ATP6V0B: variants seen among roughly 807,000 people sequenced by gnomAD.
ATP6V0B encodes the protein ATPase H+ transporting V0 subunit b, also known as V-type proton ATPase 21 kDa proteolipid subunit c''.
A neutral mutation model predicts 26.2 loss-of-function variants in ATP6V0B; 4 were observed. The ratio of observed to expected loss-of-function variants is 0.15; its 90% CI spans 0.08 to 0.35. ATP6V0B has a LOEUF of 0.35. Ranked by LOEUF, ATP6V0B falls within the 10% of genes least tolerant of loss-of-function variation. ATP6V0B has a pLI of 1.00. For synonymous variants in ATP6V0B, 110 were observed against 105.8 expected (o/e 1.04, Z -0.24); for missense variants, 175 against 272.5 (o/e 0.64, Z 2.52).
intron 1 of ATP6V0B, 43 bp downstream of exon 1, chr1:43,975,150 G>A (rs1422899646): frequency 1.4e-6 from 2 of 1,408,038 alleles, no homozygotes; most frequent in Non-Finnish European, 1.8e-6. Context: ...TCGCGGCCGA[G>A]CTGGCCGGGT....
At chr1:43,977,592 GTC>G (rs2085536397) in intron 7 of ATP6V0B, 30 of 1,420,728 alleles carry the variant, frequency 2.1e-5, no homozygotes, top group Non-Finnish European at 2.4e-5. Flanking sequence ...GTGTTTGACT[GTC>G]TCTCGGAGCT....
chr1:43,975,971 C>G (rs908591264), intron 2 of ATP6V0B, 119 bp from the exon 3 acceptor site: 1 of 1,508,104 alleles, frequency 6.6e-7, no homozygotes, highest in Non-Finnish European at 9.2e-7. Context: ...TTGGGAAATA[C>G]GCGGTCAGTT....
rs2085516311 is a variant in ATP6V0B at position 43,976,091 on chromosome 1, T to C, written c.118T>C (p.Phe40Leu). ...CTTTCTTCTCTGCTTCCACAACAGG[T>C]TCCTGACGGAGACTTCGCCCTTCAT... Reference protein sequence around the residue: ...DLGFRFDVAWFLTETSPFMWS... With the variant: ...DLGFRFDVAWLLTETSPFMWS... Residue 40 changes from phenylalanine to leucine, a missense_variant and splice_region_variant, in exon 3 of 8, where the codon TTC becomes CTC. Physicochemically the swap from Phe to Leu is conservative, Grantham distance 22. This residue lies in a region of ATP6V0B where 75 missense variants were observed against 94.7 expected (regional missense o/e 0.79). Coordinates refer to ENST00000472174, the MANE Select transcript of ATP6V0B (RefSeq NM_004047.5). This position sits in a 1 kb window ranked among gnomAD's most constrained non-coding sequence, Gnocchi z 4.6. The C allele has an allele frequency of 3.7e-6, 6 of 1,613,996 alleles. No individual in the cohort carries two copies. The highest frequency in any genetic ancestry group is 5.1e-6 in the Non-Finnish European group (6 of 1,179,884).
intron 2 of ATP6V0B, 75 bp downstream of exon 2, chr1:43,975,923 C>A: frequency 6.6e-7 from 1 of 1,526,028 alleles, no homozygotes. Flanking sequence ...TGGTCTGAGT[C>A]CCTCCCCCAC....
chr1:43,976,377 C>A lies in ATP6V0B; in HGVS notation c.276C>A (p.Val92=). 1 of 1,611,544 alleles carries A rather than the reference C, an allele frequency of 6.2e-7. No individual in the cohort carries two copies. Among genetic ancestry groups the A allele is most frequent in the South Asian group, 1.1e-5 (1 of 90,938 alleles). ...KAPRIKTKNL[V]SIIFCEAVAI... The stretch of plus-strand genomic sequence containing the variant: ...CCAGGATCAAGACCAAGAACCTGGT[C>A]AGGTAAGTGTCAGGGTCCTTGGACT... Residue 92 remains valine (V), a splice_region_variant and synonymous_variant, in exon 4 of 8, where the codon GTC becomes GTA. Coordinates refer to ENST00000472174, the MANE Select transcript of ATP6V0B (RefSeq NM_004047.5). The surrounding 1 kb of genome is among the most constrained non-coding windows in gnomAD (Gnocchi z 4.6).
Position 43,976,641 on chromosome 1 carries a change from C to T in ATP6V0B, c.330C>T (p.Val110=). 2 of 1,614,198 alleles carry T rather than the reference C, an allele frequency of 1.2e-6. No individual in the cohort carries two copies. Among genetic ancestry groups the T allele is most frequent in the Non-Finnish European group, 1.7e-6 (2 of 1,180,034 alleles). ...VAIYGIIMAI[V]ISNMAEPFSA... ...TCTACGGCATCATCATGGCAATTGT[C>T]ATTAGCAACATGGCTGAGGTATGGA... The change falls in exon 5 of 8, where the codon GTC becomes GTT. Residue 110 remains valine, a synonymous_variant. Coordinates refer to ENST00000472174, the MANE Select transcript of ATP6V0B (RefSeq NM_004047.5). This position sits in a 1 kb window ranked among gnomAD's most constrained non-coding sequence, Gnocchi z 4.6.
rs757711676 is a variant in ATP6V0B at position 43,976,320 on chromosome 1, C to A, written c.219C>A (p.Gly73=). ...CCACCAGGGGCATCTATATTACCGG[C>A]TCCTCCATCATTGGTGGAGGAGTGA... is the stretch of plus-strand genomic sequence containing the variant. The part of the protein sequence containing the change: ...VGAAWGIYIT[G]SSIIGGGVKA... The change falls in exon 4 of 8, where the codon GGC becomes GGA. Residue 73 remains glycine, a synonymous_variant. Transcript: ENST00000472174. The surrounding 1 kb of genome is among the most constrained non-coding windows in gnomAD (Gnocchi z 4.6). 3.1e-6 allele frequency: 5 copies of A among 1,613,876 alleles called. No individual in the cohort carries two copies.
chr1:43,978,145 T>C lies in ATP6V0B; in HGVS notation c.*138T>C. 7.6e-7 allele frequency: 1 copy of C among 1,308,988 alleles called. No individual in the cohort carries two copies. Among genetic ancestry groups the C allele is most frequent in the Non-Finnish European group, 1.1e-6 (1 of 914,498 alleles). 81.1% of individuals were successfully genotyped at this position (1,308,988 alleles called of 1,614,324 possible). ...GCACTCCCCTCTTGCTGCGTGTTGATTTGGAGGCACTGCAGTCCAGGCCGA... is the reference window on the plus strand; with the variant it reads ...GCACTCCCCTCTTGCTGCGTGTTGACTTGGAGGCACTGCAGTCCAGGCCGA... On this transcript the variant is annotated 3_prime_UTR_variant, in exon 8 of 8. Coordinates refer to ENST00000472174, the MANE Select transcript of ATP6V0B (RefSeq NM_004047.5).
intron 2 of ATP6V0B, 69 bp downstream of exon 2, chr1:43,975,917 C>A: frequency 6.5e-7 from 1 of 1,534,476 alleles, no homozygotes; most frequent in South Asian, 1.2e-5. Flanking sequence ...TTTCTCTGGT[C>A]TGAGTCCCTC....
At chr1:43,975,275 G>T in intron 1 of ATP6V0B, 168 bp downstream of exon 1, 1 of 859,226 alleles carries the variant, frequency 1.2e-6, no homozygotes, top group Non-Finnish European at 1.8e-6. Context: ...AGGAGACCCG[G>T]ATTTCCAGCT....
chr1:43,975,296 G>C (rs1351625881), intron 1 of ATP6V0B, 189 bp downstream of exon 1: 3 of 739,292 alleles, frequency 4.1e-6, no homozygotes, highest in African/African-American at 3.7e-5. Flanking sequence ...GCTTGAGGAG[G>C]GGTGCGGGCG....
chr1:43,976,609 G>A lies in ATP6V0B; in HGVS notation c.298G>A (p.Val100Met), dbSNP rs1350122848. The change falls in exon 5 of 8, where the codon GTG becomes ATG. Residue 100 changes from valine (V) to methionine (M), a missense_variant. By Grantham distance (21) the Val-to-Met change is conservative (BLOSUM62 1). Around this residue, in one of 3 missense-constraint regions of ATP6V0B, gnomAD observed 97 missense variants for 158.0 expected, o/e 0.61. Transcript: ENST00000472174. The surrounding 1 kb of genome is among the most constrained non-coding windows in gnomAD (Gnocchi z 4.6). Reference protein sequence around the residue: ...NLVSIIFCEAVAIYGIIMAIV... With the variant: ...NLVSIIFCEAMAIYGIIMAIV... Reference sequence around the variant, plus strand: ...TACCAGCATCATCTTCTGTGAGGCTGTGGCCATCTACGGCATCATCATGGC... The same window carrying A: ...TACCAGCATCATCTTCTGTGAGGCTATGGCCATCTACGGCATCATCATGGC... 6.2e-7 allele frequency: 1 copy of A among 1,614,210 alleles called. No homozygotes were observed. The highest frequency in any genetic ancestry group is 8.5e-7 in the Non-Finnish European group (1 of 1,180,040).
chr1:43,977,695 C>G (rs2085538025), intron 7 of ATP6V0B: 1 of 1,427,510 alleles, frequency 7.0e-7, no homozygotes, highest in South Asian at 1.5e-5. Context: ...GAGTTTGTGA[C>G]TAAGGATCAG....
chr1:43,976,461 G>T lies in ATP6V0B; in HGVS notation c.278+82G>T. The T allele has an allele frequency of 1.3e-6, 2 of 1,546,012 alleles. No homozygotes were observed. Among genetic ancestry groups the T allele is most frequent in the South Asian group, 1.1e-5 (1 of 88,040 alleles). On this transcript the variant is annotated intron_variant, in intron 4 of 7. Transcript: ENST00000472174. The surrounding 1 kb of genome is among the most constrained non-coding windows in gnomAD (Gnocchi z 4.6). ...GTGTTTGATCTGACATACTGTTTCT[G>T]ACAAGCCACCTTGTGGGATGGGATG...
At chr1:43,975,918 T>G in intron 2 of ATP6V0B, 70 bp downstream of exon 2, 1 of 1,535,948 alleles carries the variant, frequency 6.5e-7, no homozygotes, top group Non-Finnish European at 8.9e-7. Flanking sequence ...TTCTCTGGTC[T>G]GAGTCCCTCC....
rs763710464 is a variant in ATP6V0B at position 43,976,537 on chromosome 1, T to C, written c.279-53T>C. The C allele has an allele frequency of 1.4e-5, 22 of 1,600,342 alleles. No individual in the cohort carries two copies. Among genetic ancestry groups the C allele is most frequent in the Non-Finnish European group, 1.8e-5 (21 of 1,167,830 alleles). ...TTACTGGGCAGGAAGGACGGTTTCT[T>C]TCTCATTTCTTTCTCCTTTCCACTC... On this transcript the variant is annotated intron_variant, in intron 4 of 7. Coordinates refer to ENST00000472174, the MANE Select transcript of ATP6V0B (RefSeq NM_004047.5). This position sits in a 1 kb window ranked among gnomAD's most constrained non-coding sequence, Gnocchi z 4.6.
At chr1:43,977,311 T>C (rs562062837) in intron 7 of ATP6V0B, 95 bp downstream of exon 7, 2 of 1,607,068 alleles carry the variant, frequency 1.2e-6, no homozygotes, top group Non-Finnish European at 1.7e-6. Context: ...TCTCTACCTA[T>C]AACTATAGAT....
In ATP6V0B at chr1:43,976,697, G is replaced by A; in HGVS notation, c.348+38G>A. ...AGGGTGGTGGCGGGAATCCATTCCA[G>A]TGTGTTCTACACATTCCTTAGAGAT... On this transcript the variant is annotated intron_variant, in intron 5 of 7. Coordinates refer to ENST00000472174, the MANE Select transcript of ATP6V0B (RefSeq NM_004047.5). This position sits in a 1 kb window ranked among gnomAD's most constrained non-coding sequence, Gnocchi z 4.6. The A allele has an allele frequency of 6.2e-7, 1 of 1,613,648 alleles. No homozygotes were observed. Among genetic ancestry groups the A allele is most frequent in the African/African-American group, 1.3e-5 (1 of 75,016 alleles).
intron 7 of ATP6V0B, chr1:43,977,650 T>TA: frequency 1.5e-5 from 22 of 1,422,382 alleles, no homozygotes; most frequent in Non-Finnish European, 1.9e-5. Flanking sequence ...CACCATTGTC[T>TA]AAATTGTGTG....
Sources: gnomAD v4.1 joint callset for allele counts on GRCh38, gnomAD v4.1.1 for gene constraint, gnomAD v4.1.1 regional missense constraint, Gnocchi (gnomAD v3.1) non-coding constraint, MANE v1.5 for transcripts, NCBI Gene and HGNC (gene_info 2026-07-23, HGNC 2026-07-21) for gene names.